The following MICAL3 variants were observed in gnomAD, a reference collection of about 807,000 sequenced individuals.
The protein encoded by MICAL3 is [F-actin]-monooxygenase MICAL3.
A neutral mutation model predicts 207.4 loss-of-function variants in MICAL3; 62 were observed. The observed-to-expected ratio is 0.30, with a 90% CI of 0.24 to 0.37. The LOEUF is 0.37. MICAL3 is among the 10% of genes least tolerant of loss of function. MICAL3 has a pLI of 1.00. For synonymous variants in MICAL3, 1,077 were observed against 1,069.3 expected, an observed-to-expected ratio of 1.01 and a Z score of -0.14; for missense variants, 2,368 against 2,635.6, an observed-to-expected ratio of 0.90 and a Z score of 2.22.
intron 29 of MICAL3, among the ~76,000 whole-genome samples, chr22:17,805,044 C>T (rs974976767): frequency 3.3e-5 from 5 of 152,192 alleles, no homozygotes; most frequent in African/African-American, 7.2e-5. Context: ...CATGCTAGAG[C>T]GCTTCTCTGG....
intron 1 of MICAL3, among the ~76,000 whole-genome samples, chr22:18,020,578 A>G (rs1924399462): frequency 2.0e-5 from 3 of 149,140 alleles, no homozygotes; most frequent in African/African-American, 5.0e-5. Flanking sequence ...CTAAATGTAT[A>G]CTTTCAAATA....
At chr22:17,979,133 C>T (rs547953605) in intron 1 of MICAL3, among the ~76,000 whole-genome samples, 22 of 151,916 alleles carry the variant, frequency 1.4e-4, no homozygotes, top group African/African-American at 5.1e-4. Flanking sequence ...GTGATCATGC[C>T]GCTGCATTCC....
chr22:17,878,646 G>C (rs1288595292), intron 16 of MICAL3, among the ~76,000 whole-genome samples: 2 of 152,174 alleles, frequency 1.3e-5, no homozygotes, highest in African/African-American at 4.8e-5. Context: ...TAGCTGCAGA[G>C]CTGTACCCAC....
intron 1 of MICAL3, among the ~76,000 whole-genome samples, chr22:17,965,143 G>A (rs1935087485): frequency 7.6e-6 from 1 of 131,990 alleles, no homozygotes; most frequent in Non-Finnish European, 1.6e-5. Context: ...AAAGAAGAGA[G>A]TTTGAGACCA....
chr22:17,887,320 T>C lies in MICAL3; in HGVS notation c.2004+3A>G. The stretch of plus-strand genomic sequence containing the variant: ...CAGCCCATCAAGAGACTCCTCCACA[T>C]ACCTTGGGAGAACGCTTCCGAGAGA... On this transcript the variant is annotated splice_donor_region_variant and intron_variant, in intron 14 of 31. Coordinates refer to ENST00000441493, the MANE Select transcript of MICAL3 (RefSeq NM_015241.3). The C allele has an allele frequency of 1.9e-6, 3 of 1,612,316 alleles. No individual in the cohort carries two copies. The highest frequency in any genetic ancestry group is 1.1e-5 in the South Asian group (1 of 91,008).
chr22:17,876,906 G>C (rs1332356074), intron 16 of MICAL3: 2 of 141,538 alleles, frequency 1.4e-5, no homozygotes, highest in Non-Finnish European at 3.0e-5. Flanking sequence ...GGTTAGGGAG[G>C]TTAGGGAGGT....
Position 17,816,774 on chromosome 22 carries a change from G to A in MICAL3, c.5361C>T (p.Leu1787=). The A allele has an allele frequency of 6.5e-7, 1 of 1,550,354 alleles. No homozygotes were observed. Among genetic ancestry groups the A allele is most frequent in the Non-Finnish European group, 8.7e-7 (1 of 1,147,012 alleles). The change falls in exon 27 of 32, where the codon CTC becomes CTT. Residue 1787 remains leucine (L), a synonymous_variant. Coordinates refer to ENST00000441493, the MANE Select transcript of MICAL3 (RefSeq NM_015241.3). ...VLPVVRAELQ[L]RRQLSFSEDS... ...CCTCGGAGAAGCTCAGCTGGCGCCG[G>A]AGCTGCAGCTCTGTGGAGAGAGGGA...
intron 29 of MICAL3, among the ~76,000 whole-genome samples, chr22:17,806,365 G>A (rs1429919028): frequency 6.7e-6 from 1 of 149,066 alleles, no homozygotes; most frequent in Non-Finnish European, 1.5e-5. Context: ...CTGGGTTTTT[G>A]TTTACTTTGT....
intron 2 of MICAL3, among the ~76,000 whole-genome samples, 176 bp from the exon 3 acceptor site, chr22:17,905,015 G>C (rs1302916777): frequency 6.6e-6 from 1 of 152,214 alleles, no homozygotes; most frequent in Non-Finnish European, 1.5e-5. Flanking sequence ...TGGCTTAAGA[G>C]AAGAGCTAGT....
At chr22:18,017,917 A>AT (rs781297237) in intron 1 of MICAL3, among the ~76,000 whole-genome samples, 8 of 151,232 alleles carry the variant, frequency 5.3e-5, no homozygotes, top group Non-Finnish European at 8.9e-5. Flanking sequence ...CGCCCGGCTC[A>AT]TTTTTTGTAT....
intron 16 of MICAL3, among the ~76,000 whole-genome samples, chr22:17,873,072 C>A (rs914128139): frequency 6.6e-6 from 1 of 152,204 alleles, no homozygotes; most frequent in Non-Finnish European, 1.5e-5. Context: ...CCGGCACAGG[C>A]AGGACGGCTG....
intron 17 of MICAL3, among the ~76,000 whole-genome samples, chr22:17,869,135 G>C (rs1026765838): frequency 6.6e-6 from 1 of 152,202 alleles, no homozygotes; most frequent in Admixed American, 6.5e-5. Context: ...AAAGACACTG[G>C]AGCAAAGAGT....
Position 17,876,820 on chromosome 22 carries a change from G to C in MICAL3, c.2242-4797C>G, listed in dbSNP as rs35171496. 2.5e-3 allele frequency: 137 copies of C among 54,722 alleles called. 3 individuals carry two copies. The highest frequency in any genetic ancestry group is 0.011 in the African/African-American group (134 of 11,920). 3.4% of individuals were successfully genotyped at this position (54,722 alleles called of 1,614,324 possible). A position where few individuals can be genotyped will look rare whatever the true frequency, so the allele number is the denominator to read the frequency against. On this transcript the variant is annotated intron_variant, in intron 16 of 31. Transcript: ENST00000441493. ...GAAGTTATGGAGGTTAGGGAGGTTA[G>C]GGAGGTTATGGAGGTTAGGGAGGTT...
rs560774458 is a variant in MICAL3 at position 17,901,976 on chromosome 22, A to G, written c.593T>C (p.Ile198Thr). The part of the protein sequence containing the change: ...QPPEDQENER[I>T]GWRALVHPKT... ...GGGGTGCACCAGTGCCCGCCAGCCTATCCCTGTGAACCAAAACCAAATAAA... is the reference window on the plus strand; with the variant it reads ...GGGGTGCACCAGTGCCCGCCAGCCTGTCCCTGTGAACCAAAACCAAATAAA... Residue 198 changes from isoleucine to threonine, a missense_variant, in exon 5 of 32, where the codon ATA (isoleucine) becomes ACA (threonine). Around this residue, in one of 4 missense-constraint regions of MICAL3, gnomAD observed 400 missense variants for 547.0 expected, o/e 0.73. Transcript: ENST00000441493. 29 of 1,612,398 alleles carry G rather than the reference A, an allele frequency of 1.8e-5. No individual in the cohort carries two copies. In the East Asian group the frequency reaches 5.8e-4, roughly 32 times the overall value.
intron 27 of MICAL3, among the ~76,000 whole-genome samples, chr22:17,811,917 A>G (rs534960935): frequency 4.6e-5 from 7 of 152,140 alleles, no homozygotes; most frequent in African/African-American, 1.4e-4. Flanking sequence ...GACAATTAAA[A>G]CAATTTTTTT....
chr22:17,830,163 G>A (rs979966804), intron 21 of MICAL3, among the ~76,000 whole-genome samples: 1 of 152,094 alleles, frequency 6.6e-6, no homozygotes, highest in Non-Finnish European at 1.5e-5. Flanking sequence ...TTCTACAGCA[G>A]GGGGAGCCAG....
In MICAL3 at chr22:17,796,376, C is replaced by T. The variant is rs180884930; in HGVS notation, c.5651-5075G>A. ...AGGGAGTGAGGCCTGTCCAGAGCAG[C>T]GCATGAGATGGGCACGGATGGCACT... On this transcript the variant is annotated intron_variant, in intron 29 of 31. Coordinates refer to ENST00000441493, the MANE Select transcript of MICAL3 (RefSeq NM_015241.3). This position sits in a 1 kb window ranked among gnomAD's most constrained non-coding sequence, Gnocchi z 4.4. Among the ~76,000 whole-genome samples the T allele has an allele frequency of 6.6e-6, 1 of 152,362 alleles. No individual in the cohort carries two copies. Among genetic ancestry groups the T allele is most frequent in the Non-Finnish European group, 1.5e-5 (1 of 68,032 alleles).
At chr22:17,829,295 T>C (rs943301262) in intron 21 of MICAL3, among the ~76,000 whole-genome samples, 1 of 151,954 alleles carries the variant, frequency 6.6e-6, no homozygotes, top group African/African-American at 2.4e-5. Context: ...GCCTCCCAAG[T>C]AGCTGGGATT....
chr22:17,810,488 C>T (rs576293699), intron 28 of MICAL3, among the ~76,000 whole-genome samples: 7 of 152,338 alleles, frequency 4.6e-5, no homozygotes, highest in African/African-American at 7.2e-5. Context: ...ATTGAGCCAC[C>T]ACGCCCAGCC....
Sources: allele counts gnomAD v4.1 joint callset (sites outside exome capture counted in the v4.1 genomes callset), GRCh38; gene constraint gnomAD v4.1.1; regional missense constraint gnomAD v4.1.1; non-coding constraint Gnocchi (gnomAD v3.1); transcripts MANE v1.5; gene names NCBI Gene and HGNC (gene_info 2026-07-23, HGNC 2026-07-21).